The following B3GALNT2 variants were observed in gnomAD, a reference collection of about 807,000 sequenced individuals.
B3GALNT2 encodes the protein UDP-GalNAc:beta-1,3-N-acetylgalactosaminyltransferase 2.
A neutral mutation model predicts 61.1 loss-of-function variants in B3GALNT2; 53 were observed. The observed-to-expected ratio is 0.87, with a 90% confidence interval of 0.70 to 1.09. The LOEUF (loss-of-function observed/expected upper bound fraction) is 1.09, where lower values mean the gene tolerates loss of function less well. Among genes scored for constraint, B3GALNT2 ranks in the 50% least tolerant of loss-of-function variants. The probability of loss-of-function intolerance (pLI) is 0.00; values close to 1 mark genes in which losing one functional copy is unlikely to be tolerated. For synonymous variants in B3GALNT2, 223 were observed against 237.4 expected, an observed-to-expected ratio of 0.94 and a Z score of 0.56; for missense variants, 544 against 623.0, an observed-to-expected ratio of 0.87 and a Z score of 1.35.
intron 4 of B3GALNT2, among the ~76,000 whole-genome samples, chr1:235,481,563 C>CT (rs1328494924): frequency 6.6e-6 from 1 of 152,042 alleles, no homozygotes; most frequent in Non-Finnish European, 1.5e-5. Flanking sequence ...AGGCTGGTCT[C>CT]TAACTCCTGG....
intron 8 of B3GALNT2, 53 bp downstream of exon 8, chr1:235,458,550 A>G: frequency 6.5e-7 from 1 of 1,532,144 alleles, no homozygotes; most frequent in Non-Finnish European, 8.7e-7. Flanking sequence ...TCTCAAAAAA[A>G]AAAAAACTAA....
In B3GALNT2 at chr1:235,447,385, A is replaced by C. The variant is rs1295100212; in HGVS notation, c.*2821T>G. ...GCTTCAAGGAAACTCTATTTCTTATAATCAAAATATCCACTATTTACCACA... is the reference window on the plus strand; with the variant it reads ...GCTTCAAGGAAACTCTATTTCTTATCATCAAAATATCCACTATTTACCACA... On this transcript the variant is annotated 3_prime_UTR_variant, in exon 12 of 12. Coordinates refer to ENST00000366600, the MANE Select transcript of B3GALNT2 (RefSeq NM_152490.5). Among the ~76,000 whole-genome samples, 1 of 152,186 alleles carries C rather than the reference A, an allele frequency of 6.6e-6. No homozygotes were observed. The highest frequency in any genetic ancestry group is 1.5e-5 in the Non-Finnish European group (1 of 68,038).
intron 11 of B3GALNT2, 25 bp downstream of exon 11, chr1:235,453,055 TCTTAAGAACC>T (rs573651302): frequency 6.4e-7 from 1 of 1,562,574 alleles, no homozygotes; most frequent in Non-Finnish European, 8.8e-7. Context: ...CCTCCTCAAC[TCTTAAGAACC>T]CTGAGGCCAT....
At chr1:235,488,246 T>G (rs1002730631) in intron 3 of B3GALNT2, among the ~76,000 whole-genome samples, 1 of 152,170 alleles carries the variant, frequency 6.6e-6, no homozygotes, top group Non-Finnish European at 1.5e-5. Flanking sequence ...TTTCCAAAAG[T>G]TCAAAATTTG....
chr1:235,462,727 C>A (rs1185895210), intron 7 of B3GALNT2, among the ~76,000 whole-genome samples: 1 of 152,124 alleles, frequency 6.6e-6, no homozygotes. Context: ...CATGGATGTT[C>A]AAAGACTTAA....
At chr1:235,485,560 T>G (rs1408562476) in intron 3 of B3GALNT2, among the ~76,000 whole-genome samples, 1 of 152,202 alleles carries the variant, frequency 6.6e-6, no homozygotes, top group East Asian at 1.9e-4. Context: ...CCTCCCAAAG[T>G]GCTGGGATTA....
At chr1:235,503,938 G>A (rs1685703282) in intron 1 of B3GALNT2, among the ~76,000 whole-genome samples, 1 of 152,206 alleles carries the variant, frequency 6.6e-6, no homozygotes, top group Admixed American at 6.5e-5. Context: ...GTGAGAAGAG[G>A]CGGGGACACG....
chr1:235,454,559 C>T (rs1020991309), intron 9 of B3GALNT2, among the ~76,000 whole-genome samples: 1 of 152,122 alleles, frequency 6.6e-6, no homozygotes, highest in African/African-American at 2.4e-5. Flanking sequence ...CTGCCTCAGC[C>T]TCCCGAGTAG....
chr1:235,444,008 G>A (rs1162560110), downstream of B3GALNT2, among the ~76,000 whole-genome samples: 2 of 152,200 alleles, frequency 1.3e-5, no homozygotes, highest in Non-Finnish European at 2.9e-5. Context: ...ATAATTTAGA[G>A]CAGTGAGGAT....
intron 7 of B3GALNT2, 81 bp downstream of exon 7, chr1:235,465,555 G>GA: frequency 3.9e-6 from 6 of 1,549,008 alleles, no homozygotes; most frequent in South Asian, 3.7e-5. Context: ...AGACAAAAAA[G>GA]AAAAAATCCT....
At chr1:235,503,603 T>C (rs1407482815) in intron 1 of B3GALNT2, among the ~76,000 whole-genome samples, 1 of 152,264 alleles carries the variant, frequency 6.6e-6, no homozygotes, top group Non-Finnish European at 1.5e-5. Flanking sequence ...ACTTACATCA[T>C]AATCCAAGAA....
chr1:235,444,197 ACCAT>A (rs2102943333), downstream of B3GALNT2, among the ~76,000 whole-genome samples: 1 of 152,286 alleles, frequency 6.6e-6, no homozygotes, highest in Non-Finnish European at 1.5e-5. Flanking sequence ...CTGATTGATA[ACCAT>A]CCATTTAATT....
At chr1:235,469,911 G>T (rs834145) in intron 6 of B3GALNT2, among the ~76,000 whole-genome samples, 105,447 of 151,522 alleles carry the variant, frequency 0.7, 37,353 homozygotes, top group African/African-American at 0.83. Flanking sequence ...TTGTTTGTTT[G>T]TTTTGAGACA....
intron 6 of B3GALNT2, among the ~76,000 whole-genome samples, chr1:235,470,186 A>G (rs1294159165): frequency 6.6e-6 from 1 of 152,074 alleles, no homozygotes; most frequent in Admixed American, 6.6e-5. Flanking sequence ...GGCATGAGCC[A>G]CCGCACCTGG....
At chr1:235,471,954 C>T (rs1386322432) in intron 5 of B3GALNT2, among the ~76,000 whole-genome samples, 7 of 150,520 alleles carry the variant, frequency 4.7e-5, no homozygotes, top group South Asian at 4.2e-4. Context: ...TGAGCCACGG[C>T]GCCCTGCCTG....
intron 2 of B3GALNT2, among the ~76,000 whole-genome samples, chr1:235,492,977 G>A (rs934226132): frequency 2.0e-5 from 3 of 152,170 alleles, no homozygotes; most frequent in Admixed American, 6.5e-5. Flanking sequence ...CAAGAAAGGA[G>A]GTCAATGGAG....
chr1:235,472,837 T>G (rs1684063581), intron 5 of B3GALNT2, among the ~76,000 whole-genome samples: 1 of 152,194 alleles, frequency 6.6e-6, no homozygotes, highest in Admixed American at 6.5e-5. Flanking sequence ...AAAATTCAAT[T>G]TGATAAGCTA....
At chr1:235,497,221 C>T (rs528062130) in intron 1 of B3GALNT2, among the ~76,000 whole-genome samples, 1 of 152,120 alleles carries the variant, frequency 6.6e-6, no homozygotes, top group African/African-American at 2.4e-5. Context: ...GTAAAACTGA[C>T]AATATGCCTC....
chr1:235,477,024 C>CAAAAAAA (rs113918092), intron 5 of B3GALNT2, among the ~76,000 whole-genome samples: 1 of 110,688 alleles, frequency 9.0e-6, no homozygotes, highest in African/African-American at 3.4e-5. Flanking sequence ...GAGCCTGTCT[C>CAAAAAAA]AAAAAAAAAA....
Sources: gnomAD v4.1 joint callset for allele counts (sites outside exome capture counted in the v4.1 genomes callset) on GRCh38, gnomAD v4.1.1 for gene constraint, MANE v1.5 for transcripts, NCBI Gene and HGNC (gene_info 2026-07-23, HGNC 2026-07-21) for gene names.